POU2F1: variants seen among roughly 807,000 people sequenced by gnomAD.
The protein encoded by POU2F1 is POU domain, class 2, transcription factor 1.
A neutral mutation model predicts 84.9 loss-of-function variants in POU2F1; 16 were observed. The observed-to-expected ratio is 0.19, with a 90% CI of 0.13 to 0.29. The LOEUF (loss-of-function observed/expected upper bound fraction) is 0.29. Among genes scored for constraint, POU2F1 ranks in the 10% least tolerant of loss-of-function variants. POU2F1 has a pLI of 1.00. For missense variants in POU2F1, 738 were observed against 942.6 expected (o/e 0.78, Z 2.84); for synonymous variants, 368 against 368.3 (o/e 1.00, Z 0.01).
At chr1:167,359,357 C>T (rs1659197705) in intron 2 of POU2F1, among the ~76,000 whole-genome samples, 1 of 152,124 alleles carries the variant, frequency 6.6e-6, no homozygotes, top group Non-Finnish European at 1.5e-5. Flanking sequence ...TCCTTCCCTT[C>T]CCCCTTTTGG....
At chr1:167,269,319 A>G (rs1047986722) in intron 1 of POU2F1, among the ~76,000 whole-genome samples, 3 of 152,230 alleles carry the variant, frequency 2.0e-5, no homozygotes, top group African/African-American at 7.2e-5. Context: ...AAAGGAGTGT[A>G]TGGTTCTAGG....
intron 1 of POU2F1, among the ~76,000 whole-genome samples, chr1:167,230,658 A>G (rs1163287651): frequency 6.6e-6 from 1 of 152,168 alleles, no homozygotes; most frequent in Non-Finnish European, 1.5e-5. Context: ...AGCTCCTGTC[A>G]TACTTTCTCT....
In POU2F1 at chr1:167,422,754, A is replaced by G. The variant is rs949972029; in HGVS notation, c.*6944A>G. The G allele has an allele frequency of 7.2e-5, 11 of 152,214 alleles. 1 individual carries two copies. Among genetic ancestry groups the G allele is most frequent in the African/African-American group, 2.7e-4 (11 of 41,454 alleles). 9.4% of individuals were successfully genotyped at this position (152,214 alleles called of 1,614,324 possible). A position where few individuals can be genotyped will look rare whatever the true frequency, so the allele number is the denominator to read the frequency against. ...GTGGGATTTGGTTTAGATACCAAAG[A>G]CACTGCTAATGTCATTGCTTATCCT... On this transcript the variant is annotated 3_prime_UTR_variant, in exon 16 of 16. Coordinates refer to ENST00000367866, the MANE Select transcript of POU2F1 (RefSeq NM_002697.4).
intron 1 of POU2F1, among the ~76,000 whole-genome samples, chr1:167,226,911 CCT>C (rs1036589346): frequency 2.0e-5 from 3 of 152,058 alleles, no homozygotes; most frequent in African/African-American, 7.2e-5. Flanking sequence ...AATCAGCAAA[CCT>C]CTAGATTTAT....
intron 1 of POU2F1, among the ~76,000 whole-genome samples, chr1:167,236,263 T>C (rs7548902): frequency 0.91 from 137,888 of 151,770 alleles, 64,051 homozygotes; most frequent in Non-Finnish European, 1. Context: ...CCACCATGCC[T>C]GGCCAATTTT....
rs1445329309 is a variant in POU2F1, at chr1:167,419,805, T to C, written c.*3995T>C. Reference sequence around the variant, plus strand: ...AAATGGAACCAAAGGAATCCAACTTTCATTTTGTGTAGAATCATACCTACT... The same window carrying C: ...AAATGGAACCAAAGGAATCCAACTTCCATTTTGTGTAGAATCATACCTACT... On this transcript the variant is annotated 3_prime_UTR_variant, in exon 16 of 16. Coordinates refer to ENST00000367866, the MANE Select transcript of POU2F1 (RefSeq NM_002697.4). 1 of 152,220 alleles carries C rather than the reference T, an allele frequency of 6.6e-6. No individual in the cohort carries two copies. Among genetic ancestry groups the C allele is most frequent in the Non-Finnish European group, 1.5e-5 (1 of 68,048 alleles). The allele number at this position is 152,220 out of a possible 1,614,324, so 9.4% of individuals were successfully genotyped here. A position where few individuals can be genotyped will look rare whatever the true frequency, so the allele number is the denominator to read the frequency against.
intron 1 of POU2F1, among the ~76,000 whole-genome samples, chr1:167,281,587 G>A (rs1323482283): frequency 6.6e-6 from 1 of 152,146 alleles, no homozygotes; most frequent in African/African-American, 2.4e-5. Context: ...AGCTGGATTG[G>A]TTACAGCTCA....
In POU2F1 at chr1:167,416,087, T is replaced by TAAAAAAAAAAAAAAAAA; in HGVS notation, c.*280_*296dup. On this transcript the variant is annotated 3_prime_UTR_variant, in exon 16 of 16. Coordinates refer to ENST00000367866, the MANE Select transcript of POU2F1 (RefSeq NM_002697.4). ...ATTGGAGAACTTTCTAACCAAAAAT[T>TAAAAAAAAAAAAAAAAA]AAAAAAAAAAAAAAAAAAAGAAACA... The TAAAAAAAAAAAAAAAAA allele has an allele frequency of 1.1e-5, 4 of 351,044 alleles. No individual in the cohort carries two copies. Among genetic ancestry groups the TAAAAAAAAAAAAAAAAA allele is most frequent in the Middle Eastern group, 7.5e-4 (1 of 1,326 alleles). The allele number at this position is 351,044 out of a possible 1,614,324, so 21.7% of individuals were successfully genotyped here. A position where few individuals can be genotyped will look rare whatever the true frequency, so the allele number is the denominator to read the frequency against.
intron 5 of POU2F1, among the ~76,000 whole-genome samples, chr1:167,373,462 A>C (rs936674992): frequency 6.6e-6 from 1 of 152,178 alleles, no homozygotes; most frequent in African/African-American, 2.4e-5. Flanking sequence ...CCTGGGCATT[A>C]GGGTTCATTT....
At chr1:167,233,511 G>A (rs1185823884) in intron 1 of POU2F1, among the ~76,000 whole-genome samples, 1 of 152,132 alleles carries the variant, frequency 6.6e-6, no homozygotes, top group African/African-American at 2.4e-5. Flanking sequence ...ATAACATGCT[G>A]TACAGGTTTG....
intron 13 of POU2F1, among the ~76,000 whole-genome samples, chr1:167,411,589 G>A (rs1334998347): frequency 6.6e-6 from 1 of 152,024 alleles, no homozygotes; most frequent in East Asian, 1.9e-4. Flanking sequence ...GACCCCTAAG[G>A]AGATTTCTGA....
chr1:167,350,929 C>A (rs1227674405), intron 2 of POU2F1, among the ~76,000 whole-genome samples: 1 of 151,106 alleles, frequency 6.6e-6, no homozygotes, highest in African/African-American at 2.4e-5. Context: ...ACCCGGGAGG[C>A]CAAGGTTGCA....
At chr1:167,222,518 A>T (rs1648309764) in intron 1 of POU2F1, among the ~76,000 whole-genome samples, 1 of 151,822 alleles carries the variant, frequency 6.6e-6, no homozygotes, top group Non-Finnish European at 1.5e-5. Context: ...GGGCTCTGAG[A>T]TCAAACCCAG....
intron 3 of POU2F1, among the ~76,000 whole-genome samples, chr1:167,367,239 C>G (rs1659739076): frequency 6.6e-6 from 1 of 152,180 alleles, no homozygotes; most frequent in African/African-American, 2.4e-5. Flanking sequence ...GAATTAGCAC[C>G]TTGAACCTTT....
chr1:167,330,105 A>C (rs192438275), intron 1 of POU2F1, among the ~76,000 whole-genome samples: 1 of 152,274 alleles, frequency 6.6e-6, no homozygotes, highest in Admixed American at 6.5e-5. Context: ...GTGTGGAGTT[A>C]TGTCTGTTTA....
At chr1:167,410,248 C>G (rs1649860458) in intron 13 of POU2F1, among the ~76,000 whole-genome samples, 1 of 152,110 alleles carries the variant, frequency 6.6e-6, no homozygotes, top group African/African-American at 2.4e-5. Context: ...ATTTGGCAGC[C>G]ACTTTTGCAC....
intron 1 of POU2F1, among the ~76,000 whole-genome samples, chr1:167,286,735 A>G (rs1043641907): frequency 6.6e-6 from 1 of 152,232 alleles, no homozygotes; most frequent in African/African-American, 2.4e-5. Context: ...CAGAAGGGGC[A>G]AACAATACTG....
chr1:167,316,283 G>T (rs773368784), intron 1 of POU2F1, among the ~76,000 whole-genome samples: 28 of 152,324 alleles, frequency 1.8e-4, no homozygotes, highest in Non-Finnish European at 3.5e-4. Context: ...AGAAATTAAT[G>T]AATGGTACAT....
intron 1 of POU2F1, among the ~76,000 whole-genome samples, chr1:167,222,109 G>T (rs1209479827): frequency 1.3e-5 from 2 of 152,114 alleles, no homozygotes; most frequent in African/African-American, 4.8e-5. Context: ...CCCCAGAAGC[G>T]CCCAGAGGCC....
Sources: gnomAD v4.1 joint callset for allele counts (sites outside exome capture counted in the v4.1 genomes callset) on GRCh38, gnomAD v4.1.1 for gene constraint, MANE v1.5 for transcripts, NCBI Gene and HGNC (gene_info 2026-07-23, HGNC 2026-07-21) for gene names.